Variants in MALRD1 observed in about 807,000 individuals in gnomAD.
MALRD1 encodes MAM and LDL-receptor class A domain-containing protein 1.
Under a neutral mutation model 242.1 loss-of-function variants are expected in MALRD1, and 247 were observed. The ratio of observed to expected loss-of-function variants is 1.02; its 90% CI spans 0.92 to 1.13. The LOEUF (loss-of-function observed/expected upper bound fraction) is 1.13. Among genes scored for constraint, MALRD1 ranks in the 50% most tolerant of loss-of-function variants. The probability of loss-of-function intolerance (pLI) is 0.00; values close to 1 mark genes in which losing one functional copy is unlikely to be tolerated. For missense variants in MALRD1, 2,989 were observed against 2,533.1 expected, an observed-to-expected ratio of 1.18 and a Z score of -3.86; for synonymous variants, 995 against 866.6, an observed-to-expected ratio of 1.15 and a Z score of -2.60.
chr10:19,413,608 C>T (rs886366050), intron 28 of MALRD1, among the ~76,000 whole-genome samples: 4 of 151,834 alleles, frequency 2.6e-5, no homozygotes, highest in Non-Finnish European at 5.9e-5. Context: ...ACCTCCCAAT[C>T]TTTTCCACCC....
intron 29 of MALRD1, among the ~76,000 whole-genome samples, chr10:19,480,237 G>A (rs989273625): frequency 1.1e-4 from 16 of 152,214 alleles, no homozygotes; most frequent in African/African-American, 3.9e-4. Flanking sequence ...ATCCTGTTTA[G>A]TGTGTCTGAT....
chr10:19,103,090 T>G (rs996112874), intron 4 of MALRD1, among the ~76,000 whole-genome samples: 6 of 151,742 alleles, frequency 4.0e-5, no homozygotes, highest in Non-Finnish European at 8.8e-5. Flanking sequence ...CTCAAGTGAT[T>G]CACCTGCCTC....
rs1035553604 is a variant in MALRD1 at position 19,589,922 on chromosome 10, C to T, written c.5681-5272C>T. Among the ~76,000 whole-genome samples the T allele has an allele frequency of 2.9e-4, 44 of 152,220 alleles. 1 individual carries two copies. The highest frequency in any genetic ancestry group is 1.0e-3 in the African/African-American group (42 of 41,532). On this transcript the variant is annotated intron_variant, in intron 33 of 39. Coordinates refer to ENST00000454679, the MANE Select transcript of MALRD1 (RefSeq NM_001142308.3). Reference sequence around the variant, plus strand: ...TGGCTCTTCTACACAGTAATTGTCTCGCATAATGAACAACAACATGAATTC... The same window carrying T: ...TGGCTCTTCTACACAGTAATTGTCTTGCATAATGAACAACAACATGAATTC...
intron 12 of MALRD1, among the ~76,000 whole-genome samples, chr10:19,163,236 A>G (rs1032285011): frequency 6.6e-6 from 1 of 151,156 alleles, no homozygotes; most frequent in Non-Finnish European, 1.5e-5. Flanking sequence ...TACAATAGCA[A>G]GGATATGGAA....
intron 14 of MALRD1, among the ~76,000 whole-genome samples, chr10:19,196,076 A>T (rs1319972732): frequency 6.6e-6 from 1 of 152,140 alleles, no homozygotes; most frequent in Non-Finnish European, 1.5e-5. Flanking sequence ...CTGTACCCGA[A>T]GTAAACTGTC....
At chr10:19,663,877 G>A (rs1209159954) in intron 36 of MALRD1, among the ~76,000 whole-genome samples, 4 of 152,112 alleles carry the variant, frequency 2.6e-5, no homozygotes, top group Non-Finnish European at 5.9e-5. Context: ...GCTTTGACCA[G>A]TGTTTTTTCG....
intron 19 of MALRD1, among the ~76,000 whole-genome samples, chr10:19,273,376 A>G (rs1436085031): frequency 1.3e-5 from 2 of 152,204 alleles, no homozygotes; most frequent in South Asian, 2.1e-4. Context: ...TCATCCAGCA[A>G]TCAAGTGCTT....
intron 28 of MALRD1, among the ~76,000 whole-genome samples, chr10:19,423,491 C>CT (rs1833790057): frequency 6.6e-6 from 1 of 151,928 alleles, no homozygotes; most frequent in Non-Finnish European, 1.5e-5. Context: ...ATGAAGTGCT[C>CT]TAAGTGAATG....
At chr10:19,306,315 A>G (rs2496091) in intron 21 of MALRD1, among the ~76,000 whole-genome samples, 13 of 139,350 alleles carry the variant, frequency 9.3e-5, no homozygotes, top group African/African-American at 1.3e-4. Context: ...TATATACCGT[A>G]TATAGTATAT....
intron 18 of MALRD1, among the ~76,000 whole-genome samples, chr10:19,240,291 A>G (rs1055450564): frequency 1.3e-5 from 2 of 152,070 alleles, no homozygotes; most frequent in African/African-American, 2.4e-5. Context: ...ATAGTTCACT[A>G]TTAGTGTATA....
intron 36 of MALRD1, among the ~76,000 whole-genome samples, chr10:19,652,042 T>C (rs1239115278): frequency 6.6e-6 from 1 of 152,118 alleles, no homozygotes; most frequent in African/African-American, 2.4e-5. Context: ...GGCGATACTG[T>C]CTCAGAAGCT....
chr10:19,562,644 A>T (rs997480969), intron 32 of MALRD1, among the ~76,000 whole-genome samples: 1 of 152,086 alleles, frequency 6.6e-6, no homozygotes, highest in South Asian at 2.1e-4. Context: ...TATGACCTCA[A>T]TTCTCTAATG....
rs1231076626 is a variant in MALRD1, at chr10:19,331,383, C to A, written c.3702C>A (p.Ala1234=). The stretch of plus-strand genomic sequence containing the variant: ...TTTTTTTTTAGATTGTCTTCAGAGC[C>A]AAACGTGGTATCAGTTACATAGGAG... The part of the protein sequence containing the change: ...IRSHTQIVFR[A]KRGISYIGDV... Residue 1234 remains alanine (A), a synonymous_variant, in exon 24 of 40, where the codon GCC becomes GCA. Coordinates refer to ENST00000454679, the MANE Select transcript of MALRD1 (RefSeq NM_001142308.3). 1.9e-6 allele frequency: 3 copies of A among 1,550,294 alleles called. No individual in the cohort carries two copies. In the East Asian group the frequency reaches 7.3e-5, roughly 38 times the overall value.
intron 32 of MALRD1, among the ~76,000 whole-genome samples, chr10:19,563,052 G>T (rs1215133572): frequency 6.6e-6 from 1 of 152,090 alleles, no homozygotes; most frequent in African/African-American, 2.4e-5. Context: ...GTGAAGACTG[G>T]ATCAATGATT....
In MALRD1 at chr10:19,389,491, G is replaced by A. The variant is rs1443991829; in HGVS notation, c.4727G>A (p.Arg1576Gln). The change falls in exon 28 of 40, where the codon CGG becomes CAG. Residue 1576 changes from arginine to glutamine, a missense_variant. Coordinates refer to ENST00000454679, the MANE Select transcript of MALRD1 (RefSeq NM_001142308.3). ...MYLEATAVGLRGDKAHFRSTM... is the reference protein window; with the variant it reads ...MYLEATAVGLQGDKAHFRSTM... ...CTGGAAGCTACTGCAGTGGGCCTTC[G>A]GGGTGACAAAGCACACTTCAGGAGT... 18 of 1,550,482 alleles carry A rather than the reference G, an allele frequency of 1.2e-5. No homozygotes were observed. The highest frequency in any genetic ancestry group is 1.7e-4 in the Middle Eastern group (1 of 5,994).
chr10:19,114,447 G>C (rs1282657509), intron 5 of MALRD1, among the ~76,000 whole-genome samples: 1 of 152,058 alleles, frequency 6.6e-6, no homozygotes, highest in East Asian at 1.9e-4. Flanking sequence ...GACCAGCCTG[G>C]CCAACATGGT....
intron 24 of MALRD1, among the ~76,000 whole-genome samples, chr10:19,347,342 C>T (rs1844177939): frequency 6.6e-6 from 1 of 152,036 alleles, no homozygotes; most frequent in African/African-American, 2.4e-5. Flanking sequence ...AAGAACTGTT[C>T]TAAAAAAATA....
intron 36 of MALRD1, among the ~76,000 whole-genome samples, chr10:19,625,305 G>A (rs2131633761): frequency 7.1e-6 from 1 of 141,048 alleles, no homozygotes; most frequent in South Asian, 2.5e-4. Flanking sequence ...AACTTTATTT[G>A]CATTTGGCTG....
chr10:19,297,771 C>T (rs193237679), intron 21 of MALRD1, among the ~76,000 whole-genome samples: 1 of 150,826 alleles, frequency 6.6e-6, no homozygotes, highest in East Asian at 2.0e-4. Context: ...AAGTAAGGAC[C>T]CGAAAGAAGA....
Sources: allele counts gnomAD v4.1 joint callset (sites outside exome capture counted in the v4.1 genomes callset), GRCh38; gene constraint gnomAD v4.1.1; transcripts MANE v1.5; gene names NCBI Gene and HGNC (gene_info 2026-07-23, HGNC 2026-07-21).